Variants in NRXN1 observed in about 807,000 individuals in gnomAD.
The protein encoded by NRXN1 is neurexin-1.
Under a neutral mutation model 150.9 loss-of-function variants are expected in NRXN1, and 39 were observed. That is an observed-to-expected ratio of 0.26 (90% CI 0.20 to 0.34). The LOEUF is 0.34. NRXN1 is among the 10% of genes least tolerant of loss of function. The pLI is 1.00. For synonymous variants in NRXN1, 924 were observed against 757.0 expected, an observed-to-expected ratio of 1.22 and a Z score of -3.62; for missense variants, 1,815 against 1,949.9, an observed-to-expected ratio of 0.93 and a Z score of 1.30.
chr2:50,766,598 A>G (rs1702408807), intron 5 of NRXN1, among the ~76,000 whole-genome samples: 1 of 152,052 alleles, frequency 6.6e-6, no homozygotes, highest in Non-Finnish European at 1.5e-5. Context: ...ACAATGGTGT[A>G]TGCTGGGATT....
intron 2 of NRXN1, among the ~76,000 whole-genome samples, chr2:51,022,937 G>A (rs1397003236): frequency 4.6e-5 from 7 of 152,036 alleles, no homozygotes; most frequent in Middle Eastern, 3.2e-3. Flanking sequence ...AAATTCAATG[G>A]GTGTATCTGC....
chr2:50,350,494 T>C (rs548611154), intron 17 of NRXN1, among the ~76,000 whole-genome samples: 22 of 152,268 alleles, frequency 1.4e-4, no homozygotes, highest in Middle Eastern at 6.8e-3. Flanking sequence ...AACATGTGCA[T>C]TGGGAACACA....
intron 5 of NRXN1, among the ~76,000 whole-genome samples, chr2:50,748,583 C>T (rs1432555524): frequency 1.3e-5 from 2 of 151,912 alleles, no homozygotes; most frequent in East Asian, 1.9e-4. Context: ...TCCCGAAATC[C>T]CTCCAACAGT....
chr2:49,953,191 G>C (rs929427253), intron 21 of NRXN1, among the ~76,000 whole-genome samples: 3 of 152,082 alleles, frequency 2.0e-5, no homozygotes, highest in Non-Finnish European at 2.9e-5. Flanking sequence ...GGATGTGGCT[G>C]GAAATAATCA....
chr2:50,579,690 G>C (rs1451698849), intron 8 of NRXN1, among the ~76,000 whole-genome samples: 1 of 152,140 alleles, frequency 6.6e-6, no homozygotes, highest in Non-Finnish European at 1.5e-5. Context: ...TGTGAGTGTA[G>C]AGGAAGTGAG....
chr2:50,115,667 A>T (rs1375038794), intron 18 of NRXN1, among the ~76,000 whole-genome samples: 1 of 152,054 alleles, frequency 6.6e-6, no homozygotes, highest in Non-Finnish European at 1.5e-5. Flanking sequence ...ATAAAAATTC[A>T]GTTGGACAAA....
At chr2:50,660,698 C>T (rs1687171639) in intron 5 of NRXN1, among the ~76,000 whole-genome samples, 1 of 152,000 alleles carries the variant, frequency 6.6e-6, no homozygotes, top group South Asian at 2.1e-4. Flanking sequence ...TTGGACTTTC[C>T]AGGAAGCAGG....
chr2:50,110,491 C>CAAAAAAAAAA (rs5831088), intron 18 of NRXN1, among the ~76,000 whole-genome samples: 9 of 85,616 alleles, frequency 1.1e-4, no homozygotes, highest in African/African-American at 2.7e-4. Context: ...GACTCTGTCT[C>CAAAAAAAAAA]AAAAAAAAAA....
chr2:50,663,076 T>C (rs927359142), intron 5 of NRXN1, among the ~76,000 whole-genome samples: 1 of 152,064 alleles, frequency 6.6e-6, no homozygotes, highest in Non-Finnish European at 1.5e-5. Flanking sequence ...ATACAGGTGA[T>C]AGAGGCCAGA....
intron 8 of NRXN1, among the ~76,000 whole-genome samples, chr2:50,556,535 A>AGAGTG: frequency 6.6e-6 from 1 of 151,330 alleles, no homozygotes; most frequent in African/African-American, 2.4e-5. Context: ...AGTGATTCAA[A>AGAGTG]ATGTTGAATT....
chr2:50,873,549 C>T (rs1678111297), intron 5 of NRXN1, among the ~76,000 whole-genome samples: 1 of 151,740 alleles, frequency 6.6e-6, no homozygotes, highest in Admixed American at 6.6e-5. Flanking sequence ...TACTTAGGTT[C>T]TGAGTTATTT....
intron 2 of NRXN1, among the ~76,000 whole-genome samples, chr2:50,979,572 T>G (rs1696458460): frequency 6.6e-6 from 1 of 152,100 alleles, no homozygotes; most frequent in African/African-American, 2.4e-5. Flanking sequence ...TTTATAAAAG[T>G]TCACCTGAAT....
intron 21 of NRXN1, among the ~76,000 whole-genome samples, chr2:50,046,575 T>C (rs1448188153): frequency 6.6e-6 from 1 of 152,220 alleles, no homozygotes; most frequent in East Asian, 1.9e-4. Context: ...ATGAAATTTC[T>C]ATTTTTTATA....
At chr2:50,490,295 C>A (rs2091175015) in intron 15 of NRXN1, among the ~76,000 whole-genome samples, 1 of 152,118 alleles carries the variant, frequency 6.6e-6, no homozygotes, top group Non-Finnish European at 1.5e-5. Context: ...TCACCTTTCC[C>A]ATCTTCTGGC....
chr2:50,373,690 G>GAAAGAAAGAAAGAAAGAAAGAAAGAAA (rs1558620583), intron 17 of NRXN1, among the ~76,000 whole-genome samples: 1 of 91,678 alleles, frequency 1.1e-5, no homozygotes, highest in Non-Finnish European at 2.1e-5. Flanking sequence ...AAAGAAAGAA[G>GAAAGAAAGAAAGAAAGAAAGAAAGAAA]GAAAGAAAGA....
intron 5 of NRXN1, among the ~76,000 whole-genome samples, chr2:50,648,815 G>A (rs1169319047): frequency 6.6e-6 from 1 of 150,582 alleles, no homozygotes; most frequent in East Asian, 2.0e-4. Context: ...CGAAGCCAAG[G>A]ACTTGCTTAA....
chr2:50,570,697 A>G (rs1255226780), intron 8 of NRXN1, among the ~76,000 whole-genome samples: 1 of 152,134 alleles, frequency 6.6e-6, no homozygotes, highest in Non-Finnish European at 1.5e-5. Flanking sequence ...AGACTGGAGG[A>G]AAACAACCTA....
chr2:50,973,148 G>C (rs140843176), intron 2 of NRXN1, among the ~76,000 whole-genome samples: 1 of 152,098 alleles, frequency 6.6e-6, no homozygotes, highest in Non-Finnish European at 1.5e-5. Context: ...ATTATACCAG[G>C]AGCAATGACT....
chr2:50,084,561 C>T (rs757763946), intron 19 of NRXN1, among the ~76,000 whole-genome samples: 17 of 152,308 alleles, frequency 1.1e-4, no homozygotes, highest in African/African-American at 1.9e-4. Context: ...AAGCGCCGCA[C>T]GCAGCCCCGG....
Sources: gnomAD v4.1 joint callset for allele counts (sites outside exome capture counted in the v4.1 genomes callset) on GRCh38, gnomAD v4.1.1 for gene constraint, MANE v1.5 for transcripts, NCBI Gene and HGNC (gene_info 2026-07-23, HGNC 2026-07-21) for gene names.